Variants in SEMA6D observed in about 807,000 individuals in gnomAD.
SEMA6D encodes semaphorin 6D, also known as semaphorin-6D.
In SEMA6D, 35 loss-of-function variants were observed where a neutral mutation model predicts 106.6. The ratio of observed to expected loss-of-function variants is 0.33; its 90% CI spans 0.25 to 0.44. The LOEUF (loss-of-function observed/expected upper bound fraction) is 0.44. Ranked by LOEUF, SEMA6D falls within the 20% of genes least tolerant of loss-of-function variation. The pLI, the probability that SEMA6D is intolerant of heterozygous loss-of-function variation, is 1.00. For missense variants in SEMA6D, 1,185 were observed against 1,345.9 expected (o/e 0.88, Z 1.87); for synonymous variants, 499 against 487.7 (o/e 1.02, Z -0.31).
chr15:47,639,040 C>T (rs2077443143), intron 4 of SEMA6D, among the ~76,000 whole-genome samples: 1 of 152,186 alleles, frequency 6.6e-6, no homozygotes, highest in Non-Finnish European at 1.5e-5. Flanking sequence ...AGGCCACTAG[C>T]AGGGAGGACA....
Position 47,625,037 on chromosome 15 carries a change from G to A in SEMA6D, c.-55+24141G>A, listed in dbSNP as rs529824088. 1.7e-3 allele frequency among the ~76,000 whole-genome samples: 263 copies of A among 152,086 alleles called. 1 individual carries two copies. The highest frequency in any genetic ancestry group is 6.1e-3 in the African/African-American group (252 of 41,492). ...TCCTCTCCTTCAATTTTTACAATAC[G>A]TTACAGGTTAACCATGATTATCACC... On this transcript the variant is annotated intron_variant, in intron 4 of 19. Coordinates refer to the SEMA6D transcript ENST00000558014.
In SEMA6D at chr15:47,558,534, A is replaced by G. The variant is rs117761172; in HGVS notation, c.-86-42331A>G. On this transcript the variant is annotated intron_variant, in intron 3 of 19. Transcript: ENST00000558014. Reference sequence around the variant, plus strand: ...GAATTTGAAAAATAGTGTGAATTAGACAAGCAGAGACTTGCACAGGGTGAA... The same window carrying G: ...GAATTTGAAAAATAGTGTGAATTAGGCAAGCAGAGACTTGCACAGGGTGAA... 1.0e-2 allele frequency among the ~76,000 whole-genome samples: 1,520 copies of G among 152,106 alleles called. 10 individuals carry two copies. The highest frequency in any genetic ancestry group is 0.021 in the Admixed American group (315 of 15,246).
intron 2 of SEMA6D, among the ~76,000 whole-genome samples, chr15:47,459,398 G>A (rs1162542081): frequency 1.3e-5 from 2 of 152,006 alleles, no homozygotes; most frequent in Middle Eastern, 3.2e-3. Context: ...TGAAAACACA[G>A]CCCACCAATA....
At chr15:47,269,495 ACT>A (rs914754417) in intron 1 of SEMA6D, among the ~76,000 whole-genome samples, 1 of 152,038 alleles carries the variant, frequency 6.6e-6, no homozygotes, top group African/African-American at 2.4e-5. Context: ...AATAAGTTAC[ACT>A]GTTTTATCTT....
intron 1 of SEMA6D, among the ~76,000 whole-genome samples, chr15:47,734,623 A>G (rs2080339529): frequency 6.6e-6 from 1 of 152,134 alleles, no homozygotes; most frequent in Admixed American, 6.5e-5. Flanking sequence ...TCAGGAAGCT[A>G]CCTAATTTCT....
chr15:47,526,305 C>G (rs1452703224), intron 3 of SEMA6D, among the ~76,000 whole-genome samples: 1 of 152,110 alleles, frequency 6.6e-6, no homozygotes, highest in African/African-American at 2.4e-5. Flanking sequence ...TCTTTCAAAG[C>G]TCTCATGTAC....
intron 1 of SEMA6D, among the ~76,000 whole-genome samples, chr15:47,317,653 C>T (rs1165619079): frequency 6.6e-6 from 1 of 152,116 alleles, no homozygotes; most frequent in Non-Finnish European, 1.5e-5. Context: ...TCCCCCACTC[C>T]CAACTCAATA....
chr15:47,490,518 G>A (rs192644021), intron 3 of SEMA6D, among the ~76,000 whole-genome samples: 2 of 152,142 alleles, frequency 1.3e-5, no homozygotes, highest in African/African-American at 2.4e-5. Flanking sequence ...GGTGGCATGC[G>A]CCTGTAGTTC....
intron 1 of SEMA6D, chr15:47,396,303 G>GAT (rs34220041): frequency 0.3 from 44,404 of 149,970 alleles, 6,818 homozygotes; most frequent in East Asian, 0.48. Flanking sequence ...TAACAGAATA[G>GAT]ATATATATAT....
At chr15:47,221,056 C>T (rs6493265) in intron 1 of SEMA6D, among the ~76,000 whole-genome samples, 64,210 of 152,052 alleles carry the variant, frequency 0.42, 14,585 homozygotes, top group African/African-American at 0.57. Flanking sequence ...CTGAGATCTG[C>T]TTTCCACCCT....
At chr15:47,642,211 C>G (rs2077501182) in intron 4 of SEMA6D, among the ~76,000 whole-genome samples, 1 of 152,178 alleles carries the variant, frequency 6.6e-6, no homozygotes, top group Non-Finnish European at 1.5e-5. Flanking sequence ...GATTCTGAAT[C>G]AGCCAGTGCT....
At chr15:47,559,237 G>A (rs1260935316) in intron 3 of SEMA6D, among the ~76,000 whole-genome samples, 1 of 152,032 alleles carries the variant, frequency 6.6e-6, no homozygotes, top group Non-Finnish European at 1.5e-5. Context: ...TTCTCTTCAA[G>A]CATGACGGAA....
In SEMA6D at chr15:47,374,239, G is replaced by T. The variant is rs565796911; in HGVS notation, c.-238-38154G>T. Among the ~76,000 whole-genome samples, 2 of 152,302 alleles carry T rather than the reference G, an allele frequency of 1.3e-5. 1 individual carries two copies. The highest frequency in any genetic ancestry group is 4.2e-4 in the South Asian group (2 of 4,818). On this transcript the variant is annotated intron_variant, in intron 1 of 19. Coordinates refer to the SEMA6D transcript ENST00000558014. ...ATTTATTTGGAAGAGAAAACAATGG[G>T]ATGAGAATCCACAAATTGGCTCATG...
chr15:47,759,465 T>C (rs2081948391), intron 1 of SEMA6D, among the ~76,000 whole-genome samples: 1 of 152,162 alleles, frequency 6.6e-6, no homozygotes, highest in Non-Finnish European at 1.5e-5. Context: ...GCATTTCTGC[T>C]CATGGTTCTG....
intron 1 of SEMA6D, among the ~76,000 whole-genome samples, chr15:47,304,186 G>C (rs2036134489): frequency 6.6e-6 from 1 of 151,900 alleles, no homozygotes; most frequent in South Asian, 2.1e-4. Context: ...TTCTTAGCCG[G>C]GCACAGTGGC....
intron 6 of SEMA6D, 103 bp from the exon 7 acceptor site, chr15:47,761,558 G>C: frequency 7.9e-7 from 1 of 1,268,944 alleles, no homozygotes; most frequent in African/African-American, 1.5e-5. Flanking sequence ...AAAGAATAAA[G>C]ACAGAATTCT....
At chr15:47,564,723 C>G (rs755911482) in intron 3 of SEMA6D, among the ~76,000 whole-genome samples, 17 of 152,116 alleles carry the variant, frequency 1.1e-4, no homozygotes, top group Non-Finnish European at 2.1e-4. Context: ...GACCATGGCC[C>G]AAAGTGAGAA....
At chr15:47,713,738 A>G (rs1439582594), upstream of SEMA6D, among the ~76,000 whole-genome samples, 1 of 152,220 alleles carries the variant, frequency 6.6e-6, no homozygotes, top group Non-Finnish European at 1.5e-5. Context: ...ATTTCATATC[A>G]ACTGGATAGT....
intron 4 of SEMA6D, among the ~76,000 whole-genome samples, chr15:47,673,477 A>G (rs1324166010): frequency 6.6e-6 from 1 of 152,136 alleles, no homozygotes; most frequent in African/African-American, 2.4e-5. Flanking sequence ...ACGTCTGGGA[A>G]TGCTGCCTAC....
Sources: gnomAD v4.1 joint callset for allele counts (sites outside exome capture counted in the v4.1 genomes callset) on GRCh38, gnomAD v4.1.1 for gene constraint, MANE v1.5 for transcripts, NCBI Gene and HGNC (gene_info 2026-07-23, HGNC 2026-07-21) for gene names.